The following SLC8A1 variants were observed in gnomAD, a reference collection of about 807,000 sequenced individuals.
SLC8A1 encodes the protein sodium/calcium exchanger 1.
In SLC8A1, 18 loss-of-function variants were observed where a neutral mutation model predicts 68.3. That is an observed-to-expected ratio of 0.26 (90% CI 0.18 to 0.39). The LOEUF (loss-of-function observed/expected upper bound fraction) is 0.39, where lower values mean the gene tolerates loss of function less well. Ranked by LOEUF, SLC8A1 falls within the 10% of genes least tolerant of loss-of-function variation. The pLI, the probability that SLC8A1 is intolerant of heterozygous loss-of-function variation, is 1.00. For missense variants in SLC8A1, 985 were observed against 1,156.7 expected (o/e 0.85, Z 2.15); for synonymous variants, 475 against 415.5 (o/e 1.14, Z -1.74).
Position 40,178,375 on chromosome 2 carries a change from C to G in SLC8A1, c.1809-520G>C, listed in dbSNP as rs201433160. On this transcript the variant is annotated intron_variant, in intron 2 of 7. Transcript: ENST00000406785. The stretch of plus-strand genomic sequence containing the variant: ...GAAGCTGTTGGGCTCAGCCCTGGAG[C>G]AGCTCCCCCACCTTTCTTCTCACTC... The G allele has an allele frequency of 9.3e-6, 15 of 1,608,246 alleles. No individual in the cohort carries two copies. In the East Asian group the frequency reaches 3.1e-4, roughly 33 times the overall value.
At chr2:40,233,256 T>A (rs375442055) in intron 2 of SLC8A1, among the ~76,000 whole-genome samples, 65 of 152,290 alleles carry the variant, frequency 4.3e-4, no homozygotes, top group South Asian at 3.5e-3. Flanking sequence ...CCTCTCCAGC[T>A]CCTGTTGTTT....
chr2:40,447,988 G>A (rs1461205777), intron 1 of SLC8A1, among the ~76,000 whole-genome samples: 1 of 152,158 alleles, frequency 6.6e-6, no homozygotes, highest in Non-Finnish European at 1.5e-5. Flanking sequence ...ACTCTTGGCT[G>A]GGCAGATCAA....
chr2:40,415,893 CACACACACACACACACACAT>C (rs1014762010), intron 2 of SLC8A1, among the ~76,000 whole-genome samples: 3 of 149,982 alleles, frequency 2.0e-5, no homozygotes, highest in African/African-American at 7.4e-5. Flanking sequence ...CACACACACA[CACACACACACACACACACAT>C]TAGCTGGGCG....
intron 2 of SLC8A1, among the ~76,000 whole-genome samples, chr2:40,233,908 G>A (rs1279686004): frequency 3.3e-5 from 5 of 151,578 alleles, no homozygotes; most frequent in Non-Finnish European, 7.4e-5. Context: ...GATAGTTGTA[G>A]ATATGCGGCA....
intron 2 of SLC8A1, among the ~76,000 whole-genome samples, chr2:40,246,900 C>T (rs1039774822): frequency 6.6e-6 from 1 of 151,932 alleles, no homozygotes; most frequent in Non-Finnish European, 1.5e-5. Context: ...ACAGTAGCTA[C>T]CAGTGCCTGG....
chr2:40,172,026 C>G (rs762004365), intron 4 of SLC8A1, among the ~76,000 whole-genome samples: 15 of 152,224 alleles, frequency 9.9e-5, no homozygotes, highest in Admixed American at 4.6e-4. Context: ...TTTTCACACT[C>G]AGCTGCGCAA....
intron 2 of SLC8A1, among the ~76,000 whole-genome samples, chr2:40,330,540 A>T (rs1489753978): frequency 6.6e-6 from 1 of 152,130 alleles, no homozygotes; most frequent in East Asian, 1.9e-4. Flanking sequence ...GTCATTTCTG[A>T]TGTTTTCCCT....
At position 40,210,917 on chromosome 2, in the gene SLC8A1, T is replaced by C. The variant is rs569873901; in HGVS notation, c.1809-33062A>G. ...TAAGGTATCATTAACATCATAAGGC[T>C]ACATGCAATTATAAAAGAAGATGAG... On this transcript the variant is annotated intron_variant, in intron 2 of 7. Transcript: ENST00000406785. Among the ~76,000 whole-genome samples, 18 of 152,336 alleles carry C rather than the reference T, an allele frequency of 1.2e-4. No homozygotes were observed. In the South Asian group the frequency reaches 3.7e-3, roughly 32 times the overall value.
intron 2 of SLC8A1, among the ~76,000 whole-genome samples, chr2:40,392,730 T>A (rs1685708015): frequency 6.6e-6 from 1 of 152,036 alleles, no homozygotes; most frequent in African/African-American, 2.4e-5. Flanking sequence ...ATGCCAATGA[T>A]CACAGTACCG....
chr2:40,166,182 C>A (rs985758885), intron 4 of SLC8A1, among the ~76,000 whole-genome samples: 1 of 152,136 alleles, frequency 6.6e-6, no homozygotes, highest in Admixed American at 6.6e-5. Flanking sequence ...AGACCCATGG[C>A]CTCCCCCCTG....
At chr2:40,418,380 G>T (rs1694494190) in intron 2 of SLC8A1, among the ~76,000 whole-genome samples, 1 of 152,004 alleles carries the variant, frequency 6.6e-6, no homozygotes, top group Non-Finnish European at 1.5e-5. Context: ...ACCCACAAAG[G>T]GTTCTTCTTT....
intron 2 of SLC8A1, among the ~76,000 whole-genome samples, chr2:40,284,997 T>C (rs946592629): frequency 7.0e-4 from 107 of 152,220 alleles, no homozygotes; most frequent in African/African-American, 2.4e-3. Context: ...AATAACATGA[T>C]TATAAGCCTT....
intron 6 of SLC8A1, among the ~76,000 whole-genome samples, chr2:40,143,649 C>G (rs1266633541): frequency 1.3e-5 from 2 of 152,122 alleles, no homozygotes; most frequent in Non-Finnish European, 2.9e-5. Flanking sequence ...AGATAGTGCA[C>G]AGGGTGTCAG....
chr2:40,248,315 C>T (rs1003493933), intron 2 of SLC8A1, among the ~76,000 whole-genome samples: 2 of 152,156 alleles, frequency 1.3e-5, no homozygotes, highest in Admixed American at 6.5e-5. Flanking sequence ...GAAATCCTAA[C>T]TCCCAGGGTG....
At position 40,357,967 on chromosome 2, in the gene SLC8A1, T is replaced by A. The variant is rs77416888; in HGVS notation, c.1808+70506A>T. On this transcript the variant is annotated intron_variant, in intron 2 of 7. Transcript: ENST00000406785. The stretch of plus-strand genomic sequence containing the variant: ...CTGCCAGATATTTTATCCTGATGTG[T>A]TTGTATAAAAAGGGATAAAGGGAAA... Among the ~76,000 whole-genome samples the A allele has an allele frequency of 9.6e-3, 1,448 of 151,422 alleles. 14 individuals carry two copies. The highest frequency in any genetic ancestry group is 0.033 in the African/African-American group (1,371 of 41,210).
chr2:40,413,315 C>A (rs1001881167), intron 2 of SLC8A1, among the ~76,000 whole-genome samples: 1 of 151,998 alleles, frequency 6.6e-6, no homozygotes, highest in East Asian at 1.9e-4. Context: ...ATGTTTATTG[C>A]GGCACTATTC....
At chr2:40,452,666 A>ATT (rs372128971), upstream of SLC8A1, among the ~76,000 whole-genome samples, 4 of 148,800 alleles carry the variant, frequency 2.7e-5, no homozygotes, top group Non-Finnish European at 4.5e-5. Context: ...TATATCAATG[A>ATT]TTTTTTTTTT....
At chr2:40,492,688 A>G (rs555531202) in intron 1 of SLC8A1, among the ~76,000 whole-genome samples, 3,641 of 149,514 alleles carry the variant, frequency 0.024, 141 homozygotes, top group African/African-American at 0.084. Flanking sequence ...GGCAAAGGAC[A>G]TGAACAGACA....
intron 2 of SLC8A1, among the ~76,000 whole-genome samples, chr2:40,312,348 G>A (rs1402419907): frequency 6.6e-6 from 1 of 152,096 alleles, no homozygotes; most frequent in Admixed American, 6.6e-5. Flanking sequence ...GCGCAACTGT[G>A]AGGGGTACTA....
Sources: allele counts gnomAD v4.1 joint callset (sites outside exome capture counted in the v4.1 genomes callset), GRCh38; gene constraint gnomAD v4.1.1; transcripts MANE v1.5; gene names NCBI Gene and HGNC (gene_info 2026-07-23, HGNC 2026-07-21).